POFUT3: variants seen among roughly 807,000 people sequenced by gnomAD.
POFUT3 encodes protein O-fucosyltransferase 3, also known as GDP-fucose protein O-fucosyltransferase 3.
At chr8:33,458,078 T>C in the POFUT3 span, among the ~76,000 whole-genome samples, 3 of 152,004 alleles carry the variant, frequency 2.0e-5, no homozygotes. Flanking sequence ...TTAAAACGGG[T>C]GGGCCCTAAT....
chr8:33,370,620 A>C, the POFUT3 span, among the ~76,000 whole-genome samples: 2 of 152,242 alleles, frequency 1.3e-5, no homozygotes, highest in Non-Finnish European at 2.9e-5. Flanking sequence ...AGAGGATTTT[A>C]TCTATGGACT....
At chr8:33,379,289 A>G in the POFUT3 span, among the ~76,000 whole-genome samples, 3 of 151,994 alleles carry the variant, frequency 2.0e-5, no homozygotes, top group East Asian at 5.8e-4. Flanking sequence ...CTCCTCCCCA[A>G]CCCACGCACA....
At chr8:33,453,880 G>T in the POFUT3 span, among the ~76,000 whole-genome samples, 139 of 152,084 alleles carry the variant, frequency 9.1e-4, no homozygotes, top group African/African-American at 3.2e-3. Flanking sequence ...ACTTGAACTC[G>T]GGAGGCAGAG....
At chr8:33,338,719 T>A in the POFUT3 span, 1 of 152,114 alleles carries the variant, frequency 6.6e-6, no homozygotes, top group Non-Finnish European at 1.5e-5. Flanking sequence ...AAGAGTTCCC[T>A]CCTCGGGTGT....
chr8:33,446,215 G>GGGA, the POFUT3 span, among the ~76,000 whole-genome samples: 1 of 152,212 alleles, frequency 6.6e-6, no homozygotes, highest in South Asian at 2.1e-4. Context: ...CCAGCACTTT[G>GGGA]GGAGGCCGAG....
At chr8:33,423,136 C>A in the POFUT3 span, among the ~76,000 whole-genome samples, 1 of 152,034 alleles carries the variant, frequency 6.6e-6, no homozygotes, top group African/African-American at 2.4e-5. Flanking sequence ...CACTTTATGG[C>A]GCTTCTCATT....
At chr8:33,319,947 T>A in the POFUT3 span, among the ~76,000 whole-genome samples, 1 of 149,684 alleles carries the variant, frequency 6.7e-6, no homozygotes, top group Admixed American at 6.9e-5. Flanking sequence ...AATGAATTCA[T>A]GATTCATGGA....
At chr8:33,331,439 A>G in the POFUT3 span, among the ~76,000 whole-genome samples, 4 of 152,218 alleles carry the variant, frequency 2.6e-5, no homozygotes, top group Non-Finnish European at 4.4e-5. Context: ...GGTTTCACAT[A>G]GAAGCAGACG....
At chr8:33,456,361 A>T in the POFUT3 span, among the ~76,000 whole-genome samples, 1,871 of 151,724 alleles carry the variant, frequency 0.012, 42 homozygotes, top group African/African-American at 0.043. Flanking sequence ...TTTATTTTTT[A>T]TTTTTTTATT....
the POFUT3 span, among the ~76,000 whole-genome samples, chr8:33,356,976 A>G: frequency 6.6e-6 from 1 of 151,984 alleles, no homozygotes; most frequent in African/African-American, 2.4e-5. Context: ...AAGATCAGAT[A>G]GTTGTAGATA....
At chr8:33,374,143 A>T in the POFUT3 span, among the ~76,000 whole-genome samples, 1 of 152,118 alleles carries the variant, frequency 6.6e-6, no homozygotes, top group African/African-American at 2.4e-5. Context: ...GGTGAACCTT[A>T]TTGTGAACTG....
chr8:33,345,557 C>G, the POFUT3 span, among the ~76,000 whole-genome samples: 3 of 151,784 alleles, frequency 2.0e-5, no homozygotes. Flanking sequence ...CCTGCCACCA[C>G]GCCCAGCTAA....
At chr8:33,430,515 C>A in the POFUT3 span, among the ~76,000 whole-genome samples, 2 of 152,122 alleles carry the variant, frequency 1.3e-5, no homozygotes, top group African/African-American at 4.8e-5. Flanking sequence ...ACCACCCAAG[C>A]CAATCACGTG....
the POFUT3 span, among the ~76,000 whole-genome samples, chr8:33,464,419 T>C: frequency 2.0e-4 from 30 of 152,266 alleles, no homozygotes; most frequent in African/African-American, 7.2e-4. Flanking sequence ...GAAAACCGAA[T>C]CTGAATGAAG....
At chr8:33,407,851 A>G in the POFUT3 span, among the ~76,000 whole-genome samples, 1 of 151,782 alleles carries the variant, frequency 6.6e-6, no homozygotes, top group African/African-American at 2.4e-5. Flanking sequence ...AAAAATACAA[A>G]AATTAGCCAG....
chr8:33,367,862 G>GT, the POFUT3 span, among the ~76,000 whole-genome samples: 1 of 151,194 alleles, frequency 6.6e-6, no homozygotes, highest in African/African-American at 2.4e-5. Flanking sequence ...TACAGTAATG[G>GT]TTTTTAAATA....
At chr8:33,385,743 G>T in the POFUT3 span, among the ~76,000 whole-genome samples, 6 of 152,000 alleles carry the variant, frequency 3.9e-5, no homozygotes, top group Non-Finnish European at 8.8e-5. Context: ...AATTAGCTGG[G>T]CATGGTGGCA....
chr8:33,378,408 T>C, the POFUT3 span, among the ~76,000 whole-genome samples: 1 of 152,130 alleles, frequency 6.6e-6, no homozygotes, highest in East Asian at 1.9e-4. Context: ...CCTATCATGA[T>C]ACCAGAAGTT....
At chr8:33,408,849 G>C in the POFUT3 span, among the ~76,000 whole-genome samples, 1 of 152,058 alleles carries the variant, frequency 6.6e-6, no homozygotes, top group African/African-American at 2.4e-5. Context: ...GTAAAGGAAA[G>C]GTTCTATATC....
Sources: allele counts gnomAD v4.1 joint callset (sites outside exome capture counted in the v4.1 genomes callset), GRCh38; gene constraint gnomAD v4.1.1; transcripts MANE v1.5; gene names NCBI Gene and HGNC (gene_info 2026-07-23, HGNC 2026-07-21).